The following LPA variants were observed in gnomAD, a reference collection of about 807,000 sequenced individuals.
The protein encoded by LPA is lipoprotein(a), also known as apolipoprotein(a).
LPA carries 199 observed loss-of-function variants against 197.9 expected under a neutral mutation model. The observed-to-expected ratio is 1.01, with a 90% CI of 0.90 to 1.13. LPA has a LOEUF of 1.13. LPA is among the 50% of genes most tolerant of loss of function. The pLI, the probability that LPA is intolerant of heterozygous loss-of-function variation, is 0.00. For missense variants in LPA, 1,853 were observed against 1,785.8 expected (o/e 1.04, Z -0.68); for synonymous variants, 715 against 639.5 (o/e 1.12, Z -1.78).
chr6:160,534,593 GA>G (rs1435747575), intron 37 of LPA, among the ~76,000 whole-genome samples: 1 of 152,242 alleles, frequency 6.6e-6, no homozygotes, highest in East Asian at 1.9e-4. Flanking sequence ...ATGAAGGGGA[GA>G]GGGGGAGAAT....
chr6:160,581,551 C>T (rs1034368782), intron 26 of LPA, among the ~76,000 whole-genome samples: 25 of 152,194 alleles, frequency 1.6e-4, no homozygotes, highest in Non-Finnish European at 3.2e-4. Context: ...ATCCTCTCAT[C>T]TTGGCCTCCC....
chr6:160,634,867 T>A (rs1779776251), intron 7 of LPA, among the ~76,000 whole-genome samples: 2 of 150,262 alleles, frequency 1.3e-5, no homozygotes, highest in Non-Finnish European at 2.9e-5. Context: ...ATAGCCCATT[T>A]TAGAAGGAGG....
At chr6:160,652,791 A>G (rs1333640044) in intron 1 of LPA, among the ~76,000 whole-genome samples, 1 of 152,158 alleles carries the variant, frequency 6.6e-6, no homozygotes, top group African/African-American at 2.4e-5. Flanking sequence ...AGGAAGGAGA[A>G]GTGCAATGAT....
intron 28 of LPA, among the ~76,000 whole-genome samples, chr6:160,558,598 G>A (rs758479252): frequency 3.3e-5 from 5 of 152,276 alleles, no homozygotes; most frequent in East Asian, 1.9e-4. Context: ...CTCTGCTAGC[G>A]GCAGCCACTC....
chr6:160,545,826 C>T (rs1362846191), intron 32 of LPA, among the ~76,000 whole-genome samples: 1 of 152,074 alleles, frequency 6.6e-6, no homozygotes, highest in African/African-American at 2.4e-5. Context: ...GGTCTTAGAG[C>T]TAGAGCCTCA....
At chr6:160,654,020 A>G (rs868804441) in intron 1 of LPA, among the ~76,000 whole-genome samples, 1 of 3,770 alleles carries the variant, frequency 2.7e-4, no homozygotes. Flanking sequence ...TATTATATAT[A>G]ATATATAATA....
chr6:160,552,187 C>G (rs981955016), intron 30 of LPA, among the ~76,000 whole-genome samples: 1 of 152,178 alleles, frequency 6.6e-6, no homozygotes, highest in African/African-American at 2.4e-5. Flanking sequence ...GTTGGGGTAA[C>G]AGGCATGAGC....
chr6:160,570,117 C>T (rs985430340), intron 28 of LPA, among the ~76,000 whole-genome samples: 2 of 152,206 alleles, frequency 1.3e-5, no homozygotes, highest in Admixed American at 1.3e-4. Flanking sequence ...CCATTTGACA[C>T]AGCCATACAA....
intron 28 of LPA, among the ~76,000 whole-genome samples, chr6:160,571,929 A>G (rs1387829186): frequency 6.6e-6 from 1 of 152,086 alleles, no homozygotes; most frequent in Non-Finnish European, 1.5e-5. Flanking sequence ...GTATGAAAAA[A>G]AACTCCTGCA....
At position 160,605,141 on chromosome 6, in the gene LPA, G is replaced by A; in HGVS notation, c.2850C>T (p.Gly950=). Residue 950 remains glycine, a synonymous_variant, in exon 18 of 39, where the codon GGC becomes GGT. Coordinates refer to ENST00000316300, the MANE Select transcript of LPA (RefSeq NM_005577.4). ...CYHGNGQSYQ[G]TYFITVTGRT... ...TTCCTGTGACAGTAATGAAGTATGT[G>A]CCTTGATAACTCTGTCCATTTCCGT... 1 of 1,613,978 alleles carries A rather than the reference G, an allele frequency of 6.2e-7. No individual in the cohort carries two copies. Among genetic ancestry groups the A allele is most frequent in the Non-Finnish European group, 8.5e-7 (1 of 1,179,874 alleles).
intron 1 of LPA, among the ~76,000 whole-genome samples, chr6:160,659,487 G>A (rs1337610883): frequency 2.0e-5 from 3 of 152,246 alleles, no homozygotes; most frequent in Non-Finnish European, 2.9e-5. Flanking sequence ...CAAGCCAGGA[G>A]CCTTGCCTGG....
chr6:160,605,294 C>T (rs962866899), intron 17 of LPA, 89 bp from the exon 18 acceptor site: 6 of 1,481,208 alleles, frequency 4.1e-6, no homozygotes, highest in Non-Finnish European at 4.7e-6. Flanking sequence ...AGAAAAAAGT[C>T]TCTGAGAATT....
intron 16 of LPA, among the ~76,000 whole-genome samples, chr6:160,608,256 G>A (rs1055776442): frequency 6.6e-6 from 1 of 152,108 alleles, no homozygotes; most frequent in African/African-American, 2.4e-5. Flanking sequence ...ACATCAGCCT[G>A]CTGATTCCAA....
chr6:160,661,575 C>T (rs1480026133), intron 1 of LPA, among the ~76,000 whole-genome samples: 3 of 152,168 alleles, frequency 2.0e-5, no homozygotes, highest in Non-Finnish European at 4.4e-5. Flanking sequence ...AGTCCTTGGC[C>T]ACAGTCCACC....
intron 26 of LPA, among the ~76,000 whole-genome samples, chr6:160,580,668 T>C (rs1778776926): frequency 6.6e-6 from 1 of 152,186 alleles, no homozygotes. Context: ...GGCTAAGATG[T>C]TGTGCACTTT....
chr6:160,584,240 C>G (rs6919083), intron 26 of LPA, among the ~76,000 whole-genome samples: 2 of 60,946 alleles, frequency 3.3e-5, no homozygotes, highest in African/African-American at 1.1e-4. Flanking sequence ...CTTCTTCTTC[C>G]TCCTCCTCCT....
intron 16 of LPA, among the ~76,000 whole-genome samples, chr6:160,610,495 C>T (rs1405266293): frequency 1.3e-5 from 2 of 152,160 alleles, no homozygotes; most frequent in African/African-American, 2.4e-5. Context: ...TGATCTCTAT[C>T]TTCTTAATTG....
chr6:160,649,077 A>G (rs1035131079), intron 2 of LPA, among the ~76,000 whole-genome samples: 4 of 152,192 alleles, frequency 2.6e-5, no homozygotes, highest in African/African-American at 9.6e-5. Context: ...TGACTTGGAC[A>G]TCATTCTGAT....
chr6:160,557,494 C>G lies in LPA; in HGVS notation c.4709G>C (p.Arg1570Thr), dbSNP rs1436531292. ...TTGTGTCAGATTGCAGTACTCCCAC[C>G]TCACACACGGATCGGTTGTGTAACA... ...PWCYTTDPCV[R>T]WEYCNLTQCS... The change falls in exon 29 of 39, where the codon AGG (arginine) becomes ACG (threonine). Residue 1570 changes from arginine (R) to threonine (T), a missense_variant. By Grantham distance (71) the Arg-to-Thr change is moderately conservative. Transcript: ENST00000316300. The G allele has an allele frequency of 6.2e-7, 1 of 1,614,058 alleles. No individual in the cohort carries two copies. The highest frequency in any genetic ancestry group is 1.7e-5 in the Admixed American group (1 of 60,016).
Sources: gnomAD v4.1 joint callset for allele counts (sites outside exome capture counted in the v4.1 genomes callset) on GRCh38, gnomAD v4.1.1 for gene constraint, MANE v1.5 for transcripts, NCBI Gene and HGNC (gene_info 2026-07-23, HGNC 2026-07-21) for gene names.